LHFPL6: variants seen among roughly 807,000 people sequenced by gnomAD.
The protein encoded by LHFPL6 is LHFPL tetraspan subfamily member 6 protein.
A neutral mutation model predicts 20.6 loss-of-function variants in LHFPL6; 9 were observed. The observed-to-expected ratio is 0.44, with a 90% confidence interval of 0.26 to 0.76. LHFPL6 has a LOEUF of 0.76. LHFPL6 is among the 30% of genes least tolerant of loss of function. The probability of loss-of-function intolerance (pLI) is 0.20; values close to 1 mark genes in which losing one functional copy is unlikely to be tolerated. For synonymous variants in LHFPL6, 105 were observed against 98.7 expected, an observed-to-expected ratio of 1.06 and a Z score of -0.38; for missense variants, 218 against 253.5, an observed-to-expected ratio of 0.86 and a Z score of 0.95.
At chr13:39,352,878 T>TGTATATATATGTGTATATATATAA in intron 3 of LHFPL6, among the ~76,000 whole-genome samples, 1 of 53,944 alleles carries the variant, frequency 1.9e-5, no homozygotes, top group South Asian at 9.2e-4. Flanking sequence ...TATATATATA[T>TGTATATATATGTGTATATATATAA]AAATGTATAT....
chr13:39,432,441 T>G (rs953214303), intron 2 of LHFPL6, among the ~76,000 whole-genome samples: 2 of 152,108 alleles, frequency 1.3e-5, no homozygotes, highest in African/African-American at 4.8e-5. Flanking sequence ...CCTCAATGCC[T>G]CTGCATGGGC....
At position 39,520,201 on chromosome 13, in the gene LHFPL6, G is replaced by T. The variant is rs1347824492; in HGVS notation, c.385+80631C>A. On this transcript the variant is annotated intron_variant, in intron 2 of 3. Transcript: ENST00000379589. ...GGGCAGATGTAGACATGAAGGGCCT[G>T]TATCAAGAACCACACCCAGCCTCTA... Among the ~76,000 whole-genome samples, 4 of 152,234 alleles carry T rather than the reference G, an allele frequency of 2.6e-5. No homozygotes were observed. In the East Asian group the frequency reaches 7.7e-4, roughly 29 times the overall value.
In LHFPL6 at chr13:39,367,873, TC is replaced by T. The variant is rs1870052659; in HGVS notation, c.484+10554del. 2.0e-5 allele frequency among the ~76,000 whole-genome samples: 3 copies of T among 152,326 alleles called. No homozygotes were observed. The South Asian group carries it at 6.2e-4, about 32-fold the overall frequency. ...AAAGGTTACCATAACATTTAACTCTTCTACCAGTGTCATCAAAACATCCAGT... is the reference window on the plus strand; with the variant it reads ...AAAGGTTACCATAACATTTAACTCTTTACCAGTGTCATCAAAACATCCAGT... On this transcript the variant is annotated intron_variant, in intron 3 of 3. Transcript: ENST00000379589.
At chr13:39,502,523 A>T (rs929793706) in intron 2 of LHFPL6, among the ~76,000 whole-genome samples, 5 of 151,800 alleles carry the variant, frequency 3.3e-5, no homozygotes, top group African/African-American at 1.2e-4. Flanking sequence ...CAGGAGGCTG[A>T]GGTGGGTGGG....
At chr13:39,485,883 T>C (rs889846992) in intron 2 of LHFPL6, among the ~76,000 whole-genome samples, 11 of 152,162 alleles carry the variant, frequency 7.2e-5, no homozygotes, top group Non-Finnish European at 1.2e-4. Flanking sequence ...ACAATAGTAA[T>C]GGGTATTAAC....
chr13:39,429,628 T>C (rs187186890), intron 2 of LHFPL6, among the ~76,000 whole-genome samples: 23 of 152,328 alleles, frequency 1.5e-4, no homozygotes, highest in Admixed American at 8.5e-4. Flanking sequence ...ATATTGACCA[T>C]TTATATTTAA....
chr13:39,424,533 C>T (rs564953652), intron 2 of LHFPL6, among the ~76,000 whole-genome samples: 46 of 152,038 alleles, frequency 3.0e-4, no homozygotes, highest in African/African-American at 9.4e-4. Context: ...GAAGGGCACC[C>T]GAGTAAAGGA....
At chr13:39,462,958 G>A (rs905003267) in intron 2 of LHFPL6, among the ~76,000 whole-genome samples, 1 of 152,092 alleles carries the variant, frequency 6.6e-6, no homozygotes, top group African/African-American at 2.4e-5. Context: ...ATGCTCTCCA[G>A]TTCTCCAAAA....
At chr13:39,390,297 A>G (rs550284751) in intron 2 of LHFPL6, among the ~76,000 whole-genome samples, 8 of 152,206 alleles carry the variant, frequency 5.3e-5, no homozygotes, top group African/African-American at 1.9e-4. Context: ...TAAGAAAAGT[A>G]CCAGCCTGGG....
intron 3 of LHFPL6, among the ~76,000 whole-genome samples, chr13:39,345,912 A>G (rs1413150702): frequency 6.6e-6 from 1 of 152,098 alleles, no homozygotes; most frequent in East Asian, 1.9e-4. Context: ...GTCCCTATCA[A>G]ATGTTTCTTT....
intron 2 of LHFPL6, among the ~76,000 whole-genome samples, chr13:39,474,587 G>C (rs1472796736): frequency 1.3e-5 from 2 of 151,986 alleles, no homozygotes; most frequent in Non-Finnish European, 2.9e-5. Flanking sequence ...AAGTCATTAT[G>C]ACTTTAATTT....
rs1234901903 is a variant in LHFPL6, at chr13:39,571,844, G to GT, written c.385+28987dup. On this transcript the variant is annotated intron_variant, in intron 2 of 3. Transcript: ENST00000379589. ...CATTCCCCTCAAGGTGACATGCCTGGTCTGGCCACGGGCCCTGCATGGAGC... is the reference window on the plus strand; with the variant it reads ...CATTCCCCTCAAGGTGACATGCCTGGTTCTGGCCACGGGCCCTGCATGGAGC... Among the ~76,000 whole-genome samples, 27 of 152,342 alleles carry GT rather than the reference G, an allele frequency of 1.8e-4. 1 individual carries two copies. Among genetic ancestry groups the GT allele is most frequent in the Middle Eastern group, 3.4e-3 (1 of 294 alleles).
At chr13:39,552,099 T>C (rs1871158438) in intron 2 of LHFPL6, among the ~76,000 whole-genome samples, 1 of 152,170 alleles carries the variant, frequency 6.6e-6, no homozygotes. Flanking sequence ...ATCTAACAAA[T>C]CAGCACCCTC....
At chr13:39,401,343 T>C (rs1870986149) in intron 2 of LHFPL6, among the ~76,000 whole-genome samples, 1 of 152,222 alleles carries the variant, frequency 6.6e-6, no homozygotes, top group Non-Finnish European at 1.5e-5. Context: ...CCTTTAAAAC[T>C]GAGAGTTCAC....
chr13:39,528,644 A>G (rs1429666793), intron 2 of LHFPL6, among the ~76,000 whole-genome samples: 1 of 152,220 alleles, frequency 6.6e-6, no homozygotes, highest in Non-Finnish European at 1.5e-5. Flanking sequence ...ATTTTAGGGA[A>G]AGTGGCAGGC....
chr13:39,584,394 G>A (rs1872381253), intron 2 of LHFPL6, among the ~76,000 whole-genome samples: 1 of 151,854 alleles, frequency 6.6e-6, no homozygotes, highest in African/African-American at 2.4e-5. Flanking sequence ...GGGCGTGGTG[G>A]CACATGCCTG....
chr13:39,552,579 C>T (rs374525592), intron 2 of LHFPL6, among the ~76,000 whole-genome samples: 2 of 152,164 alleles, frequency 1.3e-5, no homozygotes, highest in Non-Finnish European at 2.9e-5. Flanking sequence ...ACTGGATAGG[C>T]GTAATATTTT....
chr13:39,510,833 C>T (rs1398403043), intron 2 of LHFPL6, among the ~76,000 whole-genome samples: 1 of 151,826 alleles, frequency 6.6e-6, no homozygotes, highest in Non-Finnish European at 1.5e-5. Flanking sequence ...CAACTTAAAC[C>T]TGAAATTAAA....
intron 2 of LHFPL6, among the ~76,000 whole-genome samples, chr13:39,516,280 G>A (rs549513786): frequency 6.6e-6 from 1 of 152,318 alleles, no homozygotes; most frequent in South Asian, 2.1e-4. Flanking sequence ...CTAAAATGAA[G>A]TAATTTATTT....
Sources: gnomAD v4.1 joint callset for allele counts (sites outside exome capture counted in the v4.1 genomes callset) on GRCh38, gnomAD v4.1.1 for gene constraint, MANE v1.5 for transcripts, NCBI Gene and HGNC (gene_info 2026-07-23, HGNC 2026-07-21) for gene names.